The following TPM4 variants were observed in gnomAD, a reference collection of about 807,000 sequenced individuals.
The protein encoded by TPM4 is tropomyosin alpha-4 chain.
TPM4 carries 17 observed loss-of-function variants against 35.8 expected under a neutral mutation model. That is an observed-to-expected ratio of 0.47 (90% CI 0.32 to 0.71). TPM4 has a LOEUF of 0.71. TPM4 is among the 30% of genes least tolerant of loss of function. The probability of loss-of-function intolerance (pLI) is 0.03; values close to 1 mark genes in which losing one functional copy is unlikely to be tolerated. For synonymous variants in TPM4, 120 were observed against 122.9 expected (o/e 0.98, Z 0.15); for missense variants, 240 against 320.9 (o/e 0.75, Z 1.93).
intron 7 of TPM4, 96 bp from the exon 8 acceptor site, chr19:16,101,168 C>A: frequency 1.8e-6 from 2 of 1,084,892 alleles, no homozygotes; most frequent in Non-Finnish European, 2.6e-6. Context: ...GAGACCCTGT[C>A]TCAAGAAGAA....
chr19:16,085,192 G>T (rs1336946376), intron 2 of TPM4, among the ~76,000 whole-genome samples: 2 of 152,140 alleles, frequency 1.3e-5, no homozygotes, highest in Non-Finnish European at 2.9e-5. Context: ...AGGCAAGGTT[G>T]CAGTGAGCTA....
At chr19:16,076,003 AC>A (rs139298941), upstream of TPM4, 14,507 of 1,325,288 alleles carry the variant, frequency 0.011, 5 homozygotes, top group Admixed American at 0.037. Flanking sequence ...CGGGGACGTG[AC>A]CCCCCCCCCA....
chr19:16,072,123 A>C (rs138992104), upstream of TPM4, among the ~76,000 whole-genome samples: 150 of 152,212 alleles, frequency 9.9e-4, no homozygotes, highest in African/African-American at 3.6e-3. Context: ...CCCAGCTCTC[A>C]TTTATTTTTT....
At chr19:16,076,065 C>T (rs1175550644), upstream of TPM4, 4 of 1,608,362 alleles carry the variant, frequency 2.5e-6, no homozygotes, top group South Asian at 4.4e-5. Context: ...GGAGCTGACG[C>T]ACCTCCAGAA....
chr19:16,098,310 A>T (rs962642724), intron 7 of TPM4, among the ~76,000 whole-genome samples: 9 of 152,032 alleles, frequency 5.9e-5, no homozygotes, highest in African/African-American at 2.2e-4. Flanking sequence ...GGGCATGGTC[A>T]TGGGGGCCTG....
At chr19:16,073,963 C>CAAAAAAAGGAA (rs2090379663), upstream of TPM4, among the ~76,000 whole-genome samples, 1 of 71,886 alleles carries the variant, frequency 1.4e-5, no homozygotes, top group African/African-American at 5.7e-5. Flanking sequence ...AAAAAAAACG[C>CAAAAAAAGGAA]AAAAAAAAAA....
rs544309340 is a variant in TPM4 at position 16,076,778 on chromosome 19, C to G, written c.132+81C>G. 6.7e-3 allele frequency: 8,588 copies of G among 1,282,372 alleles called. 45 individuals are homozygous for G. The highest frequency in any genetic ancestry group is 7.9e-3 in the Non-Finnish European group (7,986 of 1,013,688). 79.4% of individuals were successfully genotyped at this position (1,282,372 alleles called of 1,614,324 possible). A position where few individuals can be genotyped will look rare whatever the true frequency, so the allele number is the denominator to read the frequency against. On this transcript the variant is annotated intron_variant, in intron 1 of 7. Transcript: ENST00000643579. ...CTTTCTTCCCGGCTTCCCGCGCTGC[C>G]CGCCCGCGCGCAGTCCTCGGGCCGC...
chr19:16,083,219 G>A (rs1398351016), intron 2 of TPM4, among the ~76,000 whole-genome samples: 3 of 152,246 alleles, frequency 2.0e-5, no homozygotes, highest in Middle Eastern at 6.8e-3. Context: ...CGAGGCGGGT[G>A]GATCAACTGA....
chr19:16,082,990 C>CAAAAAA (rs1195606325), intron 2 of TPM4, among the ~76,000 whole-genome samples: 1 of 62,870 alleles, frequency 1.6e-5, no homozygotes, highest in Non-Finnish European at 3.1e-5. Flanking sequence ...GATTCTGTCT[C>CAAAAAA]AAAAAAAAAA....
rs547216060 is a variant in TPM4, at chr19:16,068,496, TTC to T, written c.114+762_114+763del. ...CGGCCATTTGTGTGTGTTTGAGCAA[TTC>T]TCTGTGTGTGTGCGTGAGCATTTCT... is the stretch of plus-strand genomic sequence containing the variant. On this transcript the variant is annotated intron_variant, in intron 2 of 2. Transcript: ENST00000589897. Among the ~76,000 whole-genome samples the T allele has an allele frequency of 1.6e-3, 245 of 152,108 alleles. 1 individual carries two copies. The highest frequency in any genetic ancestry group is 2.6e-3 in the Non-Finnish European group (180 of 67,966).
At chr19:16,089,839 A>G (rs1349649977) in intron 5 of TPM4, among the ~76,000 whole-genome samples, 1 of 142,514 alleles carries the variant, frequency 7.0e-6, no homozygotes, top group African/African-American at 2.6e-5. Context: ...TGCTTGATAA[A>G]CCCCTATTCA....
In TPM4 at chr19:16,067,584, G is replaced by T. The variant is rs1303317800; in HGVS notation, c.-41G>T. 6.3e-6 allele frequency: 10 copies of T among 1,581,822 alleles called. No individual in the cohort carries two copies. The highest frequency in any genetic ancestry group is 8.6e-6 in the Non-Finnish European group (10 of 1,158,872). On this transcript the variant is annotated 5_prime_UTR_variant, in exon 2 of 3. Transcript: ENST00000589897. The surrounding 1 kb of genome is among the most constrained non-coding windows in gnomAD (Gnocchi z 4.1). ...CCCTGACTGCCGCAGCCCCCACAGA[G>T]CCCGCCGCGCACCCCACGTCCCCCA...
intron 2 of TPM4, among the ~76,000 whole-genome samples, chr19:16,082,841 A>T (rs904716577): frequency 6.6e-6 from 1 of 151,840 alleles, no homozygotes; most frequent in African/African-American, 2.4e-5. Flanking sequence ...AAAATACAAA[A>T]ATTAGCCGGG....
chr19:16,095,685 A>T, intron 7 of TPM4: 1 of 731,148 alleles, frequency 1.4e-6, no homozygotes, highest in Non-Finnish European at 1.7e-6. Flanking sequence ...GTGAAAACAA[A>T]AGCAAACTGG....
At position 16,070,830 on chromosome 19, in the gene TPM4, A is replaced by G. The variant is rs897782066; in HGVS notation, c.114+3092A>G. Among the ~76,000 whole-genome samples the G allele has an allele frequency of 2.7e-5, 4 of 149,968 alleles. No individual in the cohort carries two copies. The Admixed American group carries it at 2.7e-4, about 10-fold the overall frequency. On this transcript the variant is annotated intron_variant, in intron 2 of 2. Coordinates refer to the TPM4 transcript ENST00000589897. This position sits in a 1 kb window ranked among gnomAD's most constrained non-coding sequence, Gnocchi z 7.4. ...AAGCCCCACCCCAGTGTTCCCTGCC[A>G]CAAGCTCTCTCCGCCTTCTCTGTGC...
chr19:16,099,384 G>C (rs2090739187), intron 7 of TPM4, among the ~76,000 whole-genome samples: 1 of 142,422 alleles, frequency 7.0e-6, no homozygotes. Flanking sequence ...GATTGCATGA[G>C]ACCAGCTTGG....
intron 7 of TPM4, among the ~76,000 whole-genome samples, chr19:16,097,100 CG>C (rs1261749942): frequency 6.9e-6 from 1 of 144,044 alleles, no homozygotes; most frequent in Non-Finnish European, 1.5e-5. Flanking sequence ...ATTACAGTCG[CG>C]GACCACCACA....
intron 7 of TPM4, among the ~76,000 whole-genome samples, chr19:16,094,866 C>G (rs4808452): frequency 0.47 from 71,066 of 151,924 alleles, 18,099 homozygotes; most frequent in East Asian, 0.79. Flanking sequence ...CAGACCATAT[C>G]TTCCAATGTT....
chr19:16,068,753 CTGTG>C (rs995155465), intron 2 of TPM4, among the ~76,000 whole-genome samples: 85 of 151,814 alleles, frequency 5.6e-4, no homozygotes, highest in African/African-American at 1.5e-3. Flanking sequence ...GAGAGCAGTT[CTGTG>C]TGTGTGTGAG....
Sources: allele counts gnomAD v4.1 joint callset (sites outside exome capture counted in the v4.1 genomes callset), GRCh38; gene constraint gnomAD v4.1.1; non-coding constraint Gnocchi (gnomAD v3.1); transcripts MANE v1.5; gene names NCBI Gene and HGNC (gene_info 2026-07-23, HGNC 2026-07-21).